The following CACNA1A variants were observed in gnomAD, a reference collection of about 807,000 sequenced individuals.
The protein encoded by CACNA1A is voltage-dependent P/Q-type calcium channel subunit alpha-1A.
CACNA1A carries 57 observed loss-of-function variants against 262.4 expected under a neutral mutation model. That is an observed-to-expected ratio of 0.22 (90% CI 0.18 to 0.27). The LOEUF is 0.27. Among genes scored for constraint, CACNA1A ranks in the 10% least tolerant of loss-of-function variants. The pLI is 1.00. For synonymous variants in CACNA1A, 1,431 were observed against 1,419.3 expected, an observed-to-expected ratio of 1.01 and a Z score of -0.18; for missense variants, 2,526 against 3,562.8, an observed-to-expected ratio of 0.71 and a Z score of 7.41.
chr19:13,404,787 C>A (rs1330531603), intron 3 of CACNA1A, among the ~76,000 whole-genome samples: 1 of 152,008 alleles, frequency 6.6e-6, no homozygotes, highest in African/African-American at 2.4e-5. Flanking sequence ...GTGAACCATC[C>A]CTGAGGGGAA....
chr19:13,269,996 T>TC (rs2056975730), intron 24 of CACNA1A, among the ~76,000 whole-genome samples: 1 of 152,104 alleles, frequency 6.6e-6, no homozygotes. Flanking sequence ...TATGCTCCCT[T>TC]CCCCTATTCC....
intron 27 of CACNA1A, chr19:13,259,312 C>CA (rs2056658771): frequency 2.5e-4 from 13 of 52,196 alleles, no homozygotes; most frequent in Non-Finnish European, 4.0e-4. Context: ...TGCCTGGCAG[C>CA]TTTTTTTTTT....
At chr19:13,505,831 A>C (rs955497818) in intron 1 of CACNA1A, 101 bp downstream of exon 1, 2 of 1,227,858 alleles carry the variant, frequency 1.6e-6, no homozygotes, top group East Asian at 2.6e-5. Flanking sequence ...CCTCCTCCCC[A>C]CCTCCCATCA....
At chr19:13,426,559 T>C (rs957703854) in intron 3 of CACNA1A, among the ~76,000 whole-genome samples, 3 of 152,056 alleles carry the variant, frequency 2.0e-5, no homozygotes, top group African/African-American at 7.2e-5. Flanking sequence ...AGGAAAACAA[T>C]ACTGCAAAAG....
At chr19:13,488,431 C>CCCAG (rs1980322464) in intron 1 of CACNA1A, among the ~76,000 whole-genome samples, 3 of 128,982 alleles carry the variant, frequency 2.3e-5, no homozygotes, top group Non-Finnish European at 4.8e-5. Context: ...CAGAGTCCCA[C>CCCAG]TCTGTCACCC....
chr19:13,480,030 A>C (rs776459602), intron 1 of CACNA1A, among the ~76,000 whole-genome samples: 17 of 152,236 alleles, frequency 1.1e-4, no homozygotes, highest in Admixed American at 3.9e-4. Context: ...GACATTTTCT[A>C]GCTAATCCTT....
intron 19 of CACNA1A, among the ~76,000 whole-genome samples, chr19:13,291,521 TG>T (rs2057537529): frequency 6.6e-6 from 1 of 151,280 alleles, no homozygotes; most frequent in African/African-American, 2.4e-5. Context: ...TGGGGCAGCT[TG>T]GTACAGTGGC....
chr19:13,238,168 A>G (rs1285239021), intron 31 of CACNA1A, among the ~76,000 whole-genome samples: 1 of 151,968 alleles, frequency 6.6e-6, no homozygotes, highest in Non-Finnish European at 1.5e-5. Context: ...ATCAGTACCA[A>G]TTCTTTCCAC....
chr19:13,405,656 T>C (rs528562921), intron 3 of CACNA1A, among the ~76,000 whole-genome samples: 3 of 152,280 alleles, frequency 2.0e-5, no homozygotes, highest in East Asian at 1.9e-4. Context: ...ATTATCCCCA[T>C]TGAACAGATG....
intron 31 of CACNA1A, among the ~76,000 whole-genome samples, chr19:13,237,034 A>G (rs1440405830): frequency 6.6e-6 from 1 of 151,980 alleles, no homozygotes; most frequent in Non-Finnish European, 1.5e-5. Flanking sequence ...AAATCAAGAG[A>G]TTTTGCCCAC....
In CACNA1A at chr19:13,207,363, T is replaced by A; in HGVS notation, c.7471A>T (p.Arg2491Trp). Reference protein sequence around the residue: ...GLARPRGPGSRKGLHEPYSES... With the variant: ...GLARPRGPGSWKGLHEPYSES... ...CTGTAGGGTTCGTGCAGGCCCTTCC[T>A]GGAGCCCGGCCCGCGGGGCCTGGCC... Residue 2491 changes from arginine to tryptophan, a missense_variant, in exon 47 of 47, where the codon AGG becomes TGG. Around this residue, in one of 17 missense-constraint regions of CACNA1A, gnomAD observed 929 missense variants for 868.1 expected, o/e 1.07. Transcript: ENST00000360228. The surrounding 1 kb of genome is among the most constrained non-coding windows in gnomAD (Gnocchi z 5.7). 6.4e-7 allele frequency: 1 copy of A among 1,554,352 alleles called. No individual in the cohort carries two copies. The highest frequency in any genetic ancestry group is 8.6e-7 in the Non-Finnish European group (1 of 1,157,122).
intron 10 of CACNA1A, among the ~76,000 whole-genome samples, chr19:13,324,414 T>C (rs1434775644): frequency 1.3e-5 from 2 of 152,200 alleles, no homozygotes; most frequent in African/African-American, 4.8e-5. Flanking sequence ...GTGTTGCATA[T>C]TTCAAAATTG....
At chr19:13,216,009 C>T (rs1344337110) in intron 38 of CACNA1A, among the ~76,000 whole-genome samples, 1 of 152,120 alleles carries the variant, frequency 6.6e-6, no homozygotes, top group Non-Finnish European at 1.5e-5. Context: ...CAGTCTCGAC[C>T]TCCTGGGCTC....
chr19:13,359,548 AGGAG>A, intron 6 of CACNA1A, 54 bp downstream of exon 6: 1 of 1,397,880 alleles, frequency 7.2e-7, no homozygotes, highest in South Asian at 1.2e-5. Flanking sequence ...CACTGGTCCC[AGGAG>A]GCCACCTCCC....
At position 13,255,724 on chromosome 19, in the gene CACNA1A, T is replaced by TCTCCCTCCCTCCTTCC. The variant is rs1363385676; in HGVS notation, c.4591-481_4591-466dup. Among the ~76,000 whole-genome samples the TCTCCCTCCCTCCTTCC allele has an allele frequency of 6.1e-3, 151 of 24,818 alleles. 4 individuals are homozygous for TCTCCCTCCCTCCTTCC. Among genetic ancestry groups the TCTCCCTCCCTCCTTCC allele is most frequent in the South Asian group, 9.3e-3 (6 of 644 alleles). The allele number at this position is 24,818 out of a possible 152,430, so 16.3% of individuals were successfully genotyped here. The stretch of plus-strand genomic sequence containing the variant: ...CCTTCCTTCCCTCCCTCCCTCCTTC[T>TCTCCCTCCCTCCTTCC]CTCCCTCCCTCCTTCCCTCCCTCCC... On this transcript the variant is annotated intron_variant, in intron 28 of 46. Transcript: ENST00000360228.
intron 4 of CACNA1A, among the ~76,000 whole-genome samples, chr19:13,367,864 G>A (rs184561940): frequency 2.0e-4 from 31 of 152,282 alleles, no homozygotes; most frequent in African/African-American, 7.0e-4. Context: ...ATCCTACCAA[G>A]CTCAGCCTCC....
At chr19:13,417,165 C>T (rs767583279) in intron 3 of CACNA1A, among the ~76,000 whole-genome samples, 21 of 152,138 alleles carry the variant, frequency 1.4e-4, no homozygotes, top group Non-Finnish European at 8.8e-5. Flanking sequence ...GGTCAGAAAG[C>T]GACTGCCAAG....
chr19:13,432,625 A>C (rs1167497440), intron 3 of CACNA1A, among the ~76,000 whole-genome samples: 3 of 152,084 alleles, frequency 2.0e-5, no homozygotes, highest in Non-Finnish European at 2.9e-5. Context: ...GACCACAATT[A>C]ATGATAACGT....
chr19:13,487,843 T>TC (rs1049464676), intron 1 of CACNA1A, among the ~76,000 whole-genome samples: 11 of 151,934 alleles, frequency 7.2e-5, no homozygotes, highest in Admixed American at 5.2e-4. Flanking sequence ...CTCACTCTTG[T>TC]CCCCCAGGCT....
Sources: gnomAD v4.1 joint callset for allele counts (sites outside exome capture counted in the v4.1 genomes callset) on GRCh38, gnomAD v4.1.1 for gene constraint, gnomAD v4.1.1 regional missense constraint, Gnocchi (gnomAD v3.1) non-coding constraint, MANE v1.5 for transcripts, NCBI Gene and HGNC (gene_info 2026-07-23, HGNC 2026-07-21) for gene names.